PDE4D: variants seen among roughly 807,000 people sequenced by gnomAD.
PDE4D encodes the protein 3',5'-cyclic-AMP phosphodiesterase 4D.
PDE4D carries 24 observed loss-of-function variants against 87.4 expected under a neutral mutation model. That is an observed-to-expected ratio of 0.27 (90% CI 0.20 to 0.39). The LOEUF is 0.39. Among genes scored for constraint, PDE4D ranks in the 10% least tolerant of loss-of-function variants. PDE4D has a pLI of 1.00. For synonymous variants in PDE4D, 384 were observed against 383.2 expected (o/e 1.00, Z -0.02); for missense variants, 714 against 1,041.0 (o/e 0.69, Z 4.32).
At chr5:59,393,969 A>AT (rs902541094) in intron 1 of PDE4D, among the ~76,000 whole-genome samples, 1 of 152,192 alleles carries the variant, frequency 6.6e-6, no homozygotes, top group African/African-American at 2.4e-5. Flanking sequence ...TAGAAATAGT[A>AT]TTTTTTATCT....
At chr5:59,723,077 A>C (rs999240766) in intron 1 of PDE4D, among the ~76,000 whole-genome samples, 2 of 152,126 alleles carry the variant, frequency 1.3e-5, no homozygotes, top group African/African-American at 4.8e-5. Context: ...CAAATACAGA[A>C]GGTACTGAAG....
intron 1 of PDE4D, among the ~76,000 whole-genome samples, chr5:60,211,372 G>A (rs1223340743): frequency 6.6e-6 from 1 of 151,826 alleles, no homozygotes; most frequent in Non-Finnish European, 1.5e-5. Flanking sequence ...ACAGGGCACT[G>A]GGGACGGGTC....
rs60836618 is a variant in PDE4D, at chr5:59,011,444, A to G, written c.922-17979T>C. On this transcript the variant is annotated intron_variant, in intron 6 of 14. Coordinates refer to ENST00000340635, the MANE Select transcript of PDE4D (RefSeq NM_001104631.2). ...AACTAGAATAACCAGCATAGAGAAG[A>G]CCTTAAATGACCTGATGGAGCTGAA... Among the ~76,000 whole-genome samples the G allele has an allele frequency of 2.5e-3, 388 of 152,294 alleles. 6 individuals carry two copies. In the East Asian group the frequency reaches 0.047, roughly 19 times the overall value.
intron 2 of PDE4D, among the ~76,000 whole-genome samples, chr5:60,026,780 A>G (rs1406550296): frequency 6.6e-6 from 1 of 152,090 alleles, no homozygotes; most frequent in African/African-American, 2.4e-5. Flanking sequence ...AAAACCCTCA[A>G]TGATTTGCCG....
intron 1 of PDE4D, among the ~76,000 whole-genome samples, chr5:59,282,727 T>C (rs1766091601): frequency 6.6e-6 from 1 of 151,916 alleles, no homozygotes; most frequent in Non-Finnish European, 1.5e-5. Context: ...AATAATAATT[T>C]AGTTTCTGAT....
exon 1 of PDE4D, chr5:60,522,106 T>C (rs906200872): frequency 1.3e-5 from 2 of 152,196 alleles, no homozygotes; most frequent in South Asian, 4.1e-4. Flanking sequence ...TATGCTCTTC[T>C]TGGTCCCACT....
intron 2 of PDE4D, among the ~76,000 whole-genome samples, chr5:60,062,871 C>T (rs998861285): frequency 6.6e-6 from 1 of 151,878 alleles, no homozygotes; most frequent in African/African-American, 2.4e-5. Context: ...ACAATGGGAA[C>T]ACATGGACAC....
chr5:59,981,403 T>A (rs1761920899), intron 3 of PDE4D, among the ~76,000 whole-genome samples: 1 of 152,184 alleles, frequency 6.6e-6, no homozygotes. Flanking sequence ...AACACTACAA[T>A]CATAAATTGC....
intron 1 of PDE4D, among the ~76,000 whole-genome samples, chr5:59,500,178 C>T (rs1278369761): frequency 6.7e-6 from 1 of 148,862 alleles, no homozygotes; most frequent in Non-Finnish European, 1.5e-5. Context: ...TTAGTTCAGC[C>T]ACTGTGGAAA....
chr5:59,560,026 G>A (rs186609964), intron 1 of PDE4D, among the ~76,000 whole-genome samples: 35 of 152,244 alleles, frequency 2.3e-4, no homozygotes, highest in African/African-American at 7.9e-4. Context: ...ATTTGAAAGC[G>A]TTTCCAAAGC....
intron 1 of PDE4D, among the ~76,000 whole-genome samples, chr5:59,395,729 G>A (rs1308590332): frequency 7.5e-6 from 1 of 132,900 alleles, no homozygotes; most frequent in Non-Finnish European, 1.6e-5. Flanking sequence ...AAAGCTGGAT[G>A]GAGAATGACT....
intron 1 of PDE4D, among the ~76,000 whole-genome samples, chr5:59,280,429 T>G (rs1765600885): frequency 6.6e-6 from 1 of 152,092 alleles, no homozygotes. Context: ...TAATTGACTT[T>G]CAGAATTTTG....
At chr5:59,749,498 A>G (rs1369869269) in intron 1 of PDE4D, among the ~76,000 whole-genome samples, 1 of 152,154 alleles carries the variant, frequency 6.6e-6, no homozygotes, top group Non-Finnish European at 1.5e-5. Context: ...TCCTGACCTC[A>G]GGGGATCCGC....
At chr5:59,969,523 G>A (rs1760458188) in intron 3 of PDE4D, among the ~76,000 whole-genome samples, 1 of 152,166 alleles carries the variant, frequency 6.6e-6, no homozygotes, top group Admixed American at 6.6e-5. Flanking sequence ...TGACCCTGAT[G>A]ATAAGGTTTG....
At position 59,039,277 on chromosome 5, in the gene PDE4D, C is replaced by A. The variant is rs370930647; in HGVS notation, c.809-306G>T. 6.4e-5 allele frequency: 73 copies of A among 1,146,518 alleles called. No individual in the cohort carries two copies. The African/African-American group carries it at 1.1e-3, about 18-fold the overall frequency. 71.0% of individuals were successfully genotyped at this position (1,146,518 alleles called of 1,614,324 possible). On this transcript the variant is annotated intron_variant, in intron 5 of 14. Transcript: ENST00000340635. ...CGACGCGAGCGGAAAAACCACTATG[C>A]GACTTTTCAACTGTGCGGCGGGCCC...
chr5:60,490,599 C>T (rs1324144434), upstream of PDE4D: 1 of 152,220 alleles, frequency 6.6e-6, no homozygotes, highest in Non-Finnish European at 1.5e-5. Flanking sequence ...GAGACTATCT[C>T]CTGTCATCAC....
chr5:60,078,610 C>A (rs1317152956), intron 2 of PDE4D, among the ~76,000 whole-genome samples: 4 of 152,088 alleles, frequency 2.6e-5, no homozygotes, highest in Admixed American at 6.5e-5. Context: ...AATGTTCAAC[C>A]CCCACTTATG....
chr5:60,241,930 C>T lies in PDE4D; in HGVS notation c.-89-56243G>A, dbSNP rs78971679. The stretch of plus-strand genomic sequence containing the variant: ...GCAGCAAGAGAAAAGAAACACATAA[C>T]ACAATGGAGCTCCAATATGTCTGTC... On this transcript the variant is annotated intron_variant, in intron 1 of 16. Transcript: ENST00000502484. 2.0e-3 allele frequency among the ~76,000 whole-genome samples: 298 copies of T among 152,210 alleles called. 10 individuals carry two copies. In the East Asian group the frequency reaches 0.054, roughly 27 times the overall value.
intron 1 of PDE4D, among the ~76,000 whole-genome samples, chr5:60,257,240 GAAAGAAAGAAAGA>G (rs1360428115): frequency 2.1e-5 from 3 of 142,304 alleles, no homozygotes; most frequent in Admixed American, 7.0e-5. Context: ...AAGAAAGAAA[GAAAGAAAGAAAGA>G]AAAGAAAAGA....
Sources: allele counts gnomAD v4.1 joint callset (sites outside exome capture counted in the v4.1 genomes callset), GRCh38; gene constraint gnomAD v4.1.1; transcripts MANE v1.5; gene names NCBI Gene and HGNC (gene_info 2026-07-23, HGNC 2026-07-21).